ABTB3: variants seen among roughly 807,000 people sequenced by gnomAD.
ABTB3 encodes the protein ankyrin repeat- and BTB/POZ domain-containing protein 3.
chr12:107,426,799 C>A, the ABTB3 span, among the ~76,000 whole-genome samples: 2 of 152,128 alleles, frequency 1.3e-5, no homozygotes, highest in Admixed American at 6.5e-5. Context: ...CCCCTCCCCT[C>A]CTCTCCCACC....
At chr12:107,590,601 G>T in the ABTB3 span, among the ~76,000 whole-genome samples, 6 of 152,230 alleles carry the variant, frequency 3.9e-5, no homozygotes, top group Non-Finnish European at 5.9e-5. Context: ...GCTGGTGTGG[G>T]TGGAAACCAG....
chr12:107,569,743 G>A, the ABTB3 span, among the ~76,000 whole-genome samples: 1 of 152,200 alleles, frequency 6.6e-6, no homozygotes, highest in Non-Finnish European at 1.5e-5. Context: ...GTCAGAAAAC[G>A]CAAATAGCTG....
the ABTB3 span, among the ~76,000 whole-genome samples, chr12:107,554,093 A>C: frequency 3.3e-5 from 5 of 152,214 alleles, no homozygotes; most frequent in Middle Eastern, 3.2e-3. Flanking sequence ...TGTGTCATGT[A>C]CTGTGTGAGA....
At chr12:107,515,066 C>A in the ABTB3 span, among the ~76,000 whole-genome samples, 21 of 152,290 alleles carry the variant, frequency 1.4e-4, no homozygotes, top group Non-Finnish European at 2.5e-4. Context: ...AAAACAAGGT[C>A]ATTACTATCA....
chr12:107,482,892 TTCTC>T, the ABTB3 span, among the ~76,000 whole-genome samples: 23,952 of 141,364 alleles, frequency 0.17, 2,731 homozygotes, highest in Non-Finnish European at 0.23. Context: ...TCTTCTCTCG[TTCTC>T]TCTCTCTCTC....
At chr12:107,374,570 C>A in the ABTB3 span, among the ~76,000 whole-genome samples, 4 of 152,186 alleles carry the variant, frequency 2.6e-5, no homozygotes, top group Non-Finnish European at 5.9e-5. Context: ...CCAGCTGGGA[C>A]CAGGATTCTT....
At chr12:107,501,922 A>G in the ABTB3 span, among the ~76,000 whole-genome samples, 1 of 152,148 alleles carries the variant, frequency 6.6e-6, no homozygotes, top group South Asian at 2.1e-4. Context: ...GATGGGGCAG[A>G]AACTGTGATT....
the ABTB3 span, among the ~76,000 whole-genome samples, chr12:107,504,371 A>G: frequency 1.3e-5 from 2 of 151,738 alleles, no homozygotes; most frequent in Admixed American, 1.3e-4. Flanking sequence ...AATCTCCTCC[A>G]TGCCCGTAAA....
chr12:107,454,673 G>A, the ABTB3 span, among the ~76,000 whole-genome samples: 19 of 152,120 alleles, frequency 1.2e-4, no homozygotes, highest in African/African-American at 4.1e-4. Context: ...GCAGGCCCTC[G>A]AGTGGGTGGG....
chr12:107,634,008 C>T, the ABTB3 span, among the ~76,000 whole-genome samples: 10 of 152,272 alleles, frequency 6.6e-5, no homozygotes, highest in African/African-American at 1.4e-4. Flanking sequence ...AGGGGAGCAC[C>T]GAATGCCCTT....
the ABTB3 span, among the ~76,000 whole-genome samples, chr12:107,429,237 G>A: frequency 6.6e-6 from 1 of 152,154 alleles, no homozygotes; most frequent in African/African-American, 2.4e-5. Context: ...CAGAGCCTGC[G>A]AAATGGGTAG....
At chr12:107,612,930 G>A in the ABTB3 span, 1 of 1,491,314 alleles carries the variant, frequency 6.7e-7, no homozygotes, top group Non-Finnish European at 9.2e-7. Context: ...AAGCGAGCAA[G>A]AAAGGGGGGC....
the ABTB3 span, among the ~76,000 whole-genome samples, chr12:107,656,925 G>A: frequency 6.6e-6 from 1 of 152,144 alleles, no homozygotes; most frequent in East Asian, 1.9e-4. Context: ...AGCACTTTGG[G>A]ACGCCCGCCT....
At chr12:107,633,363 G>A in the ABTB3 span, among the ~76,000 whole-genome samples, 1 of 152,180 alleles carries the variant, frequency 6.6e-6, no homozygotes, top group Non-Finnish European at 1.5e-5. Flanking sequence ...ATAAATTTCT[G>A]CACTTTATAA....
the ABTB3 span, among the ~76,000 whole-genome samples, chr12:107,322,466 T>C: frequency 6.6e-6 from 1 of 152,220 alleles, no homozygotes; most frequent in East Asian, 1.9e-4. Flanking sequence ...ATCAAACCTA[T>C]TTCTTAAACT....
the ABTB3 span, among the ~76,000 whole-genome samples, chr12:107,342,189 C>A: frequency 1.1e-4 from 17 of 152,082 alleles, no homozygotes; most frequent in Non-Finnish European, 4.4e-5. Context: ...TCCTGAGTTT[C>A]CGTTGGGTCC....
At chr12:107,342,767 C>T in the ABTB3 span, among the ~76,000 whole-genome samples, 2 of 152,166 alleles carry the variant, frequency 1.3e-5, no homozygotes, top group African/African-American at 2.4e-5. Flanking sequence ...AATGGCTCCT[C>T]TCTTCCCCTG....
At chr12:107,631,177 C>T in the ABTB3 span, among the ~76,000 whole-genome samples, 3 of 152,212 alleles carry the variant, frequency 2.0e-5, no homozygotes, top group Non-Finnish European at 4.4e-5. Context: ...GATCAGCTCC[C>T]ACTTACACGT....
the ABTB3 span, among the ~76,000 whole-genome samples, chr12:107,397,580 T>C: frequency 6.6e-6 from 1 of 152,124 alleles, no homozygotes. Context: ...TATCATGGGG[T>C]ATATTTCTTG....
Sources: allele counts gnomAD v4.1 joint callset (sites outside exome capture counted in the v4.1 genomes callset), GRCh38; gene constraint gnomAD v4.1.1; transcripts MANE v1.5; gene names NCBI Gene and HGNC (gene_info 2026-07-23, HGNC 2026-07-21).